The following ZNF727 variants were observed in gnomAD, a reference collection of about 807,000 sequenced individuals.
The protein encoded by ZNF727 is zinc finger protein 727, also known as putative zinc finger protein 727.
Under a neutral mutation model 11.5 loss-of-function variants are expected in ZNF727, and 11 were observed. That is an observed-to-expected ratio of 0.95 (90% CI 0.60 to 1.58). The LOEUF (loss-of-function observed/expected upper bound fraction) is 1.58. Ranked by LOEUF, ZNF727 falls within the 40% of genes most tolerant of loss-of-function variation. ZNF727 has a pLI of 0.00. For synonymous variants in ZNF727, 171 were observed against 196.1 expected, an observed-to-expected ratio of 0.87 and a Z score of 1.07; for missense variants, 533 against 581.7, an observed-to-expected ratio of 0.92 and a Z score of 0.86.
chr7:64,069,421 CTATAA>C, intron 2 of ZNF727, 88 bp from the exon 3 acceptor site: 1 of 1,050,436 alleles, frequency 9.5e-7, no homozygotes, highest in Non-Finnish European at 1.4e-6. Context: ...CTAGAGTCTT[CTATAA>C]TGTTCTCTCT....
intron 1 of ZNF727, among the ~76,000 whole-genome samples, chr7:64,062,217 A>G (rs1038186780): frequency 7.9e-5 from 12 of 152,084 alleles, no homozygotes; most frequent in South Asian, 4.1e-4. Context: ...TGAATAGTTT[A>G]CATACCATAT....
chr7:64,059,404 ATTTC>A (rs1487706051), intron 1 of ZNF727, among the ~76,000 whole-genome samples: 2 of 152,182 alleles, frequency 1.3e-5, no homozygotes, highest in African/African-American at 4.8e-5. Context: ...GTCTTCTTAA[ATTTC>A]TTTGTTTTTC....
intron 3 of ZNF727, among the ~76,000 whole-genome samples, chr7:64,069,860 G>C (rs1789933039): frequency 6.6e-6 from 1 of 151,586 alleles, no homozygotes; most frequent in African/African-American, 2.4e-5. Context: ...TGTTTTTTGT[G>C]GGTTTTTTGA....
At position 64,069,535 on chromosome 7, in the gene ZNF727, A is replaced by T; in HGVS notation, c.152A>T (p.Asp51Val). The change falls in exon 3 of 4, where the codon GAC becomes GTC. Residue 51 changes from aspartate (D) to valine (V), a missense_variant. Around this residue, in one of 3 missense-constraint regions of ZNF727, gnomAD observed 463 missense variants for 494.5 expected, o/e 0.94. Coordinates refer to ENST00000456806, the MANE Select transcript of ZNF727 (RefSeq NM_001159522.3). ...ACAGGTCTTGCTATCTTTAAGCCAG[A>T]CTTGATTACCTATCTGGAGCAAAGA... ...FSLGLAIFKP[D>V]LITYLEQRKE... 1 of 1,558,968 alleles carries T rather than the reference A, an allele frequency of 6.4e-7. No individual in the cohort carries two copies. Among genetic ancestry groups the T allele is most frequent in the East Asian group, 2.4e-5 (1 of 41,878 alleles).
chr7:64,049,005 T>C (rs1212676698), intron 1 of ZNF727, among the ~76,000 whole-genome samples: 3 of 152,304 alleles, frequency 2.0e-5, no homozygotes, highest in Admixed American at 6.5e-5. Context: ...CTAAAAGATA[T>C]TGGTCTTCAA....
rs758094592 is a variant in ZNF727 at position 64,068,858 on chromosome 7, T to A, written c.4-33T>A. The A allele has an allele frequency of 2.2e-5, 35 of 1,558,496 alleles. 2 individuals carry two copies. The South Asian group carries it at 3.5e-4, about 16-fold the overall frequency. On this transcript the variant is annotated intron_variant, in intron 1 of 3. Transcript: ENST00000456806. ...TGATGTCAAATCAAGAATTATTTCT[T>A]TGGTCACTTGGTAAATATGTTTTGT...
chr7:64,066,636 T>TAC (rs752442727), intron 1 of ZNF727, among the ~76,000 whole-genome samples: 3 of 152,080 alleles, frequency 2.0e-5, no homozygotes, highest in Non-Finnish European at 4.4e-5. Context: ...CCTTACACCT[T>TAC]ACACAAAAAT....
intron 1 of ZNF727, among the ~76,000 whole-genome samples, chr7:64,049,025 ACAGGTATTGG>A (rs1789551838): frequency 6.6e-6 from 1 of 152,202 alleles, no homozygotes; most frequent in African/African-American, 2.4e-5. Flanking sequence ...ATTTAGTGGC[ACAGGTATTGG>A]CCAAGAAAAT....
intron 1 of ZNF727, among the ~76,000 whole-genome samples, chr7:64,055,981 C>T (rs1234558273): frequency 6.6e-6 from 1 of 152,010 alleles, no homozygotes; most frequent in Non-Finnish European, 1.5e-5. Context: ...GTGGCTGCAC[C>T]ATTTTACATT....
At position 64,069,511 on chromosome 7, in the gene ZNF727, C is replaced by T; in HGVS notation, c.131-3C>T. ...GTCATGTTATTTTTTTCTAATAAAACAGGTCTTGCTATCTTTAAGCCAGAC... is the reference window on the plus strand; with the variant it reads ...GTCATGTTATTTTTTTCTAATAAAATAGGTCTTGCTATCTTTAAGCCAGAC... On this transcript the variant is annotated splice_polypyrimidine_tract_variant and splice_region_variant and intron_variant, in intron 2 of 3. Coordinates refer to ENST00000456806, the MANE Select transcript of ZNF727 (RefSeq NM_001159522.3). The T allele has an allele frequency of 1.3e-6, 2 of 1,550,570 alleles. No individual in the cohort carries two copies. The highest frequency in any genetic ancestry group is 1.7e-6 in the Non-Finnish European group (2 of 1,145,332).
At chr7:64,071,939 G>A (rs113682171) in intron 3 of ZNF727, among the ~76,000 whole-genome samples, 12 of 151,792 alleles carry the variant, frequency 7.9e-5, no homozygotes, top group African/African-American at 2.4e-4. Context: ...CACTGATATC[G>A]GTGTGCATTT....
At chr7:64,070,784 A>G (rs528126694) in intron 3 of ZNF727, among the ~76,000 whole-genome samples, 127 of 151,772 alleles carry the variant, frequency 8.4e-4, no homozygotes, top group African/African-American at 2.7e-3. Context: ...CACTTTCCCC[A>G]CCTCTAGGGC....
chr7:64,055,557 C>G (rs1789671482), intron 1 of ZNF727, among the ~76,000 whole-genome samples: 1 of 152,144 alleles, frequency 6.6e-6, no homozygotes, highest in South Asian at 2.1e-4. Context: ...GTCTTATAAC[C>G]ACCATTCTAC....
At position 64,080,568 on chromosome 7, in the gene ZNF727, C is replaced by T. The variant is rs1480104086; in HGVS notation, c.*2019C>T. 6.6e-6 allele frequency among the ~76,000 whole-genome samples: 1 copy of T among 152,212 alleles called. No individual in the cohort carries two copies. The highest frequency in any genetic ancestry group is 3.4e-3 in the Middle Eastern group (1 of 294). On this transcript the variant is annotated 3_prime_UTR_variant, in exon 4 of 4. Transcript: ENST00000456806. ...CCTGCAATTATTTTTTTCTTCTTTGCATTGGGTTGCAACTTACCTTTGTAG... is the reference window on the plus strand; with the variant it reads ...CCTGCAATTATTTTTTTCTTCTTTGTATTGGGTTGCAACTTACCTTTGTAG...
chr7:64,076,075 T>TCA (rs34570820), intron 3 of ZNF727, among the ~76,000 whole-genome samples: 104,835 of 151,740 alleles, frequency 0.69, 36,324 homozygotes, highest in Admixed American at 0.74. Flanking sequence ...GTTGGCTATG[T>TCA]CATTAATTAA....
rs557360797 is a variant in ZNF727, at chr7:64,068,920, A to G, written c.33A>G (p.Val11=). MRVLTFRDVA[V]EFSPEEWECL... ...TGCTAACATTCAGGGATGTGGCTGT[A>G]GAATTCTCCCCAGAAGAGTGGGAAT... The change falls in exon 2 of 4, where the codon GTA becomes GTG. Residue 11 remains valine (V), a synonymous_variant. Coordinates refer to ENST00000456806, the MANE Select transcript of ZNF727 (RefSeq NM_001159522.3). 2 of 1,603,410 alleles carry G rather than the reference A, an allele frequency of 1.2e-6. No individual in the cohort carries two copies. The highest frequency in any genetic ancestry group is 1.7e-5 in the Admixed American group (1 of 58,492).
At position 64,080,533 on chromosome 7, in the gene ZNF727, T is replaced by C. The variant is rs1197840893; in HGVS notation, c.*1984T>C. 6.6e-6 allele frequency among the ~76,000 whole-genome samples: 1 copy of C among 152,200 alleles called. No individual in the cohort carries two copies. On this transcript the variant is annotated 3_prime_UTR_variant, in exon 4 of 4. Transcript: ENST00000456806. ...ATTTTTCTCTAGACTGGCTGTTTTT[T>C]CCATCACTTCCTGCAATTATTTTTT...
At position 64,078,127 on chromosome 7, in the gene ZNF727, A is replaced by G. The variant is rs1470417924; in HGVS notation, c.1078A>G (p.Arg360Gly). 1 of 1,603,894 alleles carries G rather than the reference A, an allele frequency of 6.2e-7. No homozygotes were observed. The highest frequency in any genetic ancestry group is 1.7e-5 in the Admixed American group (1 of 58,120). Residue 360 changes from arginine to glycine, a missense_variant, in exon 4 of 4, where the codon AGA becomes GGA. Coordinates refer to ENST00000456806, the MANE Select transcript of ZNF727 (RefSeq NM_001159522.3). ...CTCCTCAACCCTTATTAGCCACAAG[A>G]GAATTCATATGGAATTGAGACCTTA... ...TYSSTLISHKRIHMELRPYKC... is the reference protein window; with the variant it reads ...TYSSTLISHKGIHMELRPYKC...
rs1465818548 is a variant in ZNF727, at chr7:64,069,150, T to G, written c.130+133T>G. On this transcript the variant is annotated intron_variant, in intron 2 of 3. Coordinates refer to ENST00000456806, the MANE Select transcript of ZNF727 (RefSeq NM_001159522.3). The stretch of plus-strand genomic sequence containing the variant: ...AAAAAGAAAAAATTGGGTATCTGTT[T>G]AGGTAGTAAATATAATCTTTAAGAT... The G allele has an allele frequency of 6.4e-6, 6 of 944,776 alleles. No homozygotes were observed. The African/African-American group carries it at 1.0e-4, about 16-fold the overall frequency. 58.5% of individuals were successfully genotyped at this position (944,776 alleles called of 1,614,324 possible). A position where few individuals can be genotyped will look rare whatever the true frequency, so the allele number is the denominator to read the frequency against.
Sources: gnomAD v4.1 joint callset for allele counts (sites outside exome capture counted in the v4.1 genomes callset) on GRCh38, gnomAD v4.1.1 for gene constraint, gnomAD v4.1.1 regional missense constraint, MANE v1.5 for transcripts, NCBI Gene and HGNC (gene_info 2026-07-23, HGNC 2026-07-21) for gene names.